COBL: variants seen among roughly 807,000 people sequenced by gnomAD.
COBL encodes the protein protein cordon-bleu.
A neutral mutation model predicts 98.8 loss-of-function variants in COBL; 51 were observed. That is an observed-to-expected ratio of 0.52 (90% CI 0.41 to 0.65). The LOEUF is 0.65. Ranked by LOEUF, COBL falls within the 30% of genes least tolerant of loss-of-function variation. COBL has a pLI of 0.00. For missense variants in COBL, 1,617 were observed against 1,617.5 expected (o/e 1.00, Z 0.01); for synonymous variants, 634 against 651.7 (o/e 0.97, Z 0.41).
chr7:51,154,908 C>A (rs1431103332), intron 5 of COBL, among the ~76,000 whole-genome samples: 1 of 152,204 alleles, frequency 6.6e-6, no homozygotes, highest in African/African-American at 2.4e-5. Context: ...CGCCAGAGAT[C>A]AATTCTCATT....
intron 1 of COBL, among the ~76,000 whole-genome samples, chr7:51,281,672 G>A (rs1799829735): frequency 6.6e-6 from 1 of 151,494 alleles, no homozygotes. Flanking sequence ...TGTAAACCAT[G>A]TTACTATATC....
intron 7 of COBL, among the ~76,000 whole-genome samples, chr7:51,083,744 T>C (rs1264457965): frequency 6.6e-6 from 1 of 152,206 alleles, no homozygotes; most frequent in Non-Finnish European, 1.5e-5. Context: ...TTTAGAATAA[T>C]AGTTCTCCAA....
In COBL at chr7:51,028,380, G is replaced by C; in HGVS notation, c.2716C>G (p.Pro906Ala). ...YAGKAPVLAA[P>A]PVTVKDDRTS... is the part of the protein sequence containing the mutation. ...CTGTCATCTTTCACAGTGACAGGTG[G>C]TGCAGCCAGCACTGGCGCCTTGCCT... Residue 906 changes from proline to alanine, a missense_variant, in exon 10 of 13, where the codon CCA (proline) becomes GCA (alanine). By Grantham distance (27) the Pro-to-Ala change is conservative. This residue lies in a region of COBL where 1,304 missense variants were observed against 1,282.0 expected (regional missense o/e 1.02). Transcript: ENST00000265136. 1 of 1,614,276 alleles carries C rather than the reference G, an allele frequency of 6.2e-7. No homozygotes were observed. The highest frequency in any genetic ancestry group is 8.5e-7 in the Non-Finnish European group (1 of 1,180,050).
intron 4 of COBL, among the ~76,000 whole-genome samples, chr7:51,186,082 T>C (rs911419433): frequency 6.6e-6 from 1 of 152,220 alleles, no homozygotes; most frequent in Non-Finnish European, 1.5e-5. Flanking sequence ...GCTGTAAAGT[T>C]AGTTGCAGCA....
intron 1 of COBL, among the ~76,000 whole-genome samples, chr7:51,248,443 A>T (rs1796451791): frequency 1.3e-5 from 2 of 152,172 alleles, no homozygotes; most frequent in Non-Finnish European, 2.9e-5. Context: ...AACCACAGCC[A>T]GCCCCCTAAA....
intron 7 of COBL, among the ~76,000 whole-genome samples, chr7:51,053,946 C>T (rs1351754985): frequency 6.6e-6 from 1 of 152,178 alleles, no homozygotes; most frequent in Non-Finnish European, 1.5e-5. Context: ...TTTGGGAGGC[C>T]GAGGTGGGTG....
chr7:51,147,184 T>G (rs1202936743), intron 5 of COBL, among the ~76,000 whole-genome samples: 1 of 152,110 alleles, frequency 6.6e-6, no homozygotes, highest in Non-Finnish European at 1.5e-5. Context: ...TGGCCTTCCC[T>G]CTCTAGAGAA....
chr7:51,113,861 A>G (rs1004643460), intron 6 of COBL, among the ~76,000 whole-genome samples: 2 of 152,174 alleles, frequency 1.3e-5, no homozygotes, highest in Non-Finnish European at 2.9e-5. Flanking sequence ...TTCATTGTCT[A>G]AAAATAATCA....
chr7:51,109,971 T>A (rs965688553), intron 6 of COBL, among the ~76,000 whole-genome samples: 2 of 152,144 alleles, frequency 1.3e-5, no homozygotes, highest in African/African-American at 4.8e-5. Flanking sequence ...GGCCTCTTCT[T>A]TTTTCTTTAA....
At chr7:51,088,028 C>G (rs1794448937) in intron 6 of COBL, among the ~76,000 whole-genome samples, 1 of 150,926 alleles carries the variant, frequency 6.6e-6, no homozygotes, top group Non-Finnish European at 1.5e-5. Context: ...ACACCCGGAT[C>G]CAGAGTGGGG....
chr7:51,104,634 A>G (rs756909462), intron 6 of COBL, among the ~76,000 whole-genome samples: 1 of 152,000 alleles, frequency 6.6e-6, no homozygotes, highest in Non-Finnish European at 1.5e-5. Flanking sequence ...TCTTCTCACC[A>G]TCACCCTAAT....
rs927565264 is a variant in COBL, at chr7:51,041,341, A to G, written c.1406+2042T>C. 2.6e-4 allele frequency among the ~76,000 whole-genome samples: 40 copies of G among 152,204 alleles called. 1 individual carries two copies. Among genetic ancestry groups the G allele is most frequent in the Non-Finnish European group, 7.3e-5 (5 of 68,044 alleles). ...AAAGTATTATTGATAAGACAATTACACTAACCAGATACAGATTTGTGAGTT... is the reference window on the plus strand; with the variant it reads ...AAAGTATTATTGATAAGACAATTACGCTAACCAGATACAGATTTGTGAGTT... On this transcript the variant is annotated intron_variant, in intron 8 of 12. Coordinates refer to ENST00000265136, the MANE Select transcript of COBL (RefSeq NM_015198.5).
chr7:51,083,143 GT>G, intron 7 of COBL: 3 of 1,508,358 alleles, frequency 2.0e-6, no homozygotes, highest in East Asian at 2.5e-5. Flanking sequence ...CGGGAGGAGG[GT>G]AGGGCGGGGG....
chr7:51,034,654 T>C (rs1788457216), intron 8 of COBL: 1 of 152,266 alleles, frequency 6.6e-6, no homozygotes, highest in South Asian at 2.1e-4. Context: ...GTCACTGGGC[T>C]TGGAGGCCAG....
intron 1 of COBL, among the ~76,000 whole-genome samples, chr7:51,301,221 G>C (rs2129203051): frequency 6.6e-6 from 1 of 152,276 alleles, no homozygotes; most frequent in Middle Eastern, 3.4e-3. Flanking sequence ...CTCTGAGACT[G>C]GAGCCTCTGG....
chr7:51,170,851 G>T (rs2129043109), intron 5 of COBL, among the ~76,000 whole-genome samples: 1 of 152,072 alleles, frequency 6.6e-6, no homozygotes, highest in East Asian at 1.9e-4. Context: ...TCATACAGTT[G>T]TGTGACTACA....
intron 1 of COBL, among the ~76,000 whole-genome samples, chr7:51,288,060 T>C (rs1800535458): frequency 6.6e-6 from 1 of 152,178 alleles, no homozygotes; most frequent in Admixed American, 6.5e-5. Context: ...AATTGTGGTA[T>C]CTATGCACAT....
chr7:51,174,740 T>A (rs899648624), intron 5 of COBL, among the ~76,000 whole-genome samples: 1 of 152,192 alleles, frequency 6.6e-6, no homozygotes, highest in African/African-American at 2.4e-5. Flanking sequence ...CAACTTTGTA[T>A]CAGCCCACTC....
At chr7:51,042,048 A>G (rs962392118) in intron 8 of COBL, among the ~76,000 whole-genome samples, 1 of 152,086 alleles carries the variant, frequency 6.6e-6, no homozygotes, top group Non-Finnish European at 1.5e-5. Flanking sequence ...GAAAAAATAG[A>G]TCCTTCTTCA....
Sources: gnomAD v4.1 joint callset for allele counts (sites outside exome capture counted in the v4.1 genomes callset) on GRCh38, gnomAD v4.1.1 for gene constraint, gnomAD v4.1.1 regional missense constraint, MANE v1.5 for transcripts, NCBI Gene and HGNC (gene_info 2026-07-23, HGNC 2026-07-21) for gene names.